Variants in OVOL1 observed in about 807,000 individuals in gnomAD.
OVOL1 encodes ovo like transcriptional repressor 1.
OVOL1 carries 10 observed loss-of-function variants against 21.5 expected under a neutral mutation model. That is an observed-to-expected ratio of 0.46 (90% CI 0.29 to 0.79). The LOEUF (loss-of-function observed/expected upper bound fraction) is 0.79, where lower values mean the gene tolerates loss of function less well. OVOL1 is among the 30% of genes least tolerant of loss of function. OVOL1 has a pLI of 0.10. For synonymous variants in OVOL1, 129 were observed against 150.3 expected, an observed-to-expected ratio of 0.86 and a Z score of 1.03; for missense variants, 279 against 362.3, an observed-to-expected ratio of 0.77 and a Z score of 1.87.
In OVOL1 at chr11:65,795,212, G is replaced by C; in HGVS notation, c.675G>C (p.Gln225His). 6.2e-7 allele frequency: 1 copy of C among 1,613,522 alleles called. No individual in the cohort carries two copies. Among genetic ancestry groups the C allele is most frequent in the Non-Finnish European group, 8.5e-7 (1 of 1,180,024 alleles). Residue 225 changes from glutamine to histidine, a missense_variant, in exon 4 of 4, where the codon CAG becomes CAC. By Grantham distance (24) the Gln-to-His change is conservative. Coordinates refer to ENST00000335987, the MANE Select transcript of OVOL1 (RefSeq NM_004561.4). This position sits in a 1 kb window ranked among gnomAD's most constrained non-coding sequence, Gnocchi z 5.7. ...AGTGCGGCTGCACATCTGAGAGCCA[G>C]GAGGGCCACGTCCTGCACCTGAAGG... ...CEECGCTSES[Q>H]EGHVLHLKEH...
intron 3 of OVOL1, 102 bp downstream of exon 3, chr11:65,794,829 C>G: frequency 1.6e-6 from 2 of 1,246,002 alleles, no homozygotes; most frequent in South Asian, 2.6e-5. Context: ...TGACGGGCAG[C>G]CTGGGAGGGC....
Position 65,794,802 on chromosome 11 carries a change from C to A in OVOL1, c.508+75C>A. ...CGGCCGTGCGGGAAAAGTCCAGCAC[C>A]CCCTGCTCTCCCTCGGTGACGGGCA... is the stretch of plus-strand genomic sequence containing the variant. On this transcript the variant is annotated intron_variant, in intron 3 of 3. Coordinates refer to ENST00000335987, the MANE Select transcript of OVOL1 (RefSeq NM_004561.4). The A allele has an allele frequency of 4.9e-6, 7 of 1,431,294 alleles. No individual in the cohort carries two copies. The South Asian group carries it at 7.0e-5, about 14-fold the overall frequency. 88.7% of individuals were successfully genotyped at this position (1,431,294 alleles called of 1,614,324 possible).
At position 65,794,348 on chromosome 11, in the gene OVOL1, C is replaced by T. The variant is rs1486945023; in HGVS notation, c.318+100C>T. 7 of 1,206,814 alleles carry T rather than the reference C, an allele frequency of 5.8e-6. No individual in the cohort carries two copies. The Admixed American group carries it at 1.1e-4, about 19-fold the overall frequency. The allele number at this position is 1,206,814 out of a possible 1,614,324, so 74.8% of individuals were successfully genotyped here. ...CAAATGAGATGTAGGCAGAGACTGA[C>T]CTGGGACCTGGGCCAAGGTTTCTGC... is the stretch of plus-strand genomic sequence containing the variant. On this transcript the variant is annotated intron_variant, in intron 2 of 3. Transcript: ENST00000335987.
chr11:65,787,349 C>G lies in OVOL1; in HGVS notation c.-25C>G, dbSNP rs779910913. On this transcript the variant is annotated 5_prime_UTR_variant, in exon 1 of 4. Coordinates refer to ENST00000335987, the MANE Select transcript of OVOL1 (RefSeq NM_004561.4). ...CCCGGCTTCAGTTACGGAAGCGGCC[C>G]GTGTCCAGCGACGAGGGTTCGAAAA... The G allele has an allele frequency of 2.6e-6, 4 of 1,550,308 alleles. No individual in the cohort carries two copies. In the African/African-American group the frequency reaches 4.1e-5, roughly 16 times the overall value.
chr11:65,792,733 C>T (rs913547326), intron 1 of OVOL1, among the ~76,000 whole-genome samples: 1 of 152,256 alleles, frequency 6.6e-6, no homozygotes, highest in Non-Finnish European at 1.5e-5. Context: ...GTGCATTCTT[C>T]TCTCTCAGAC....
chr11:65,797,193 A>G lies in OVOL1; in HGVS notation c.*1852A>G, dbSNP rs1477830508. 3 of 152,066 alleles carry G rather than the reference A, an allele frequency of 2.0e-5. No individual in the cohort carries two copies. The highest frequency in any genetic ancestry group is 4.4e-5 in the Non-Finnish European group (3 of 68,008). The allele number at this position is 152,066 out of a possible 1,614,324, so 9.4% of individuals were successfully genotyped here. A position where few individuals can be genotyped will look rare whatever the true frequency, so the allele number is the denominator to read the frequency against. On this transcript the variant is annotated 3_prime_UTR_variant, in exon 4 of 4. Coordinates refer to ENST00000335987, the MANE Select transcript of OVOL1 (RefSeq NM_004561.4). ...GTTTTATTTTATAACCTTCCTCTCA[A>G]CTATTAAAATTAGAGATCTAATGTT...
intron 2 of OVOL1, 66 bp downstream of exon 2, chr11:65,794,314 G>A: frequency 7.0e-7 from 1 of 1,428,766 alleles, no homozygotes; most frequent in Non-Finnish European, 9.8e-7. Context: ...CAGCTCATGA[G>A]ACATGGCACA....
At chr11:65,788,929 G>T in intron 1 of OVOL1, 4 of 986,670 alleles carry the variant, frequency 4.1e-6, no homozygotes, top group Non-Finnish European at 4.8e-6. Flanking sequence ...CTGGGGGTTG[G>T]TGGGGGCACG....
intron 1 of OVOL1, among the ~76,000 whole-genome samples, chr11:65,792,618 C>T (rs1328855597): frequency 1.3e-5 from 2 of 152,332 alleles, no homozygotes; most frequent in African/African-American, 2.4e-5. Flanking sequence ...GAGGCCAGGC[C>T]GGGGCCAGGC....
chr11:65,794,796 C>T, intron 3 of OVOL1, 69 bp downstream of exon 3: 1 of 1,483,344 alleles, frequency 6.7e-7, no homozygotes, highest in Non-Finnish European at 9.4e-7. Context: ...GGGAAAAGTC[C>T]AGCACCCCCT....
intron 1 of OVOL1, chr11:65,788,545 G>A (rs1349378844): frequency 2.0e-6 from 2 of 985,334 alleles, no homozygotes; most frequent in Non-Finnish European, 2.4e-6. Flanking sequence ...ACCGCCCCAG[G>A]CCTTGTAGGA....
chr11:65,795,002 A>C lies in OVOL1; in HGVS notation c.509-44A>C, dbSNP rs750633608. ...TCTGGAAGCAGCCGACAGCCTCTGA[A>C]GTCCCTGCCAGGTCTCTGATGCTGG... On this transcript the variant is annotated intron_variant, in intron 3 of 3. Transcript: ENST00000335987. This position sits in a 1 kb window ranked among gnomAD's most constrained non-coding sequence, Gnocchi z 5.7. The C allele has an allele frequency of 6.3e-7, 1 of 1,589,278 alleles. No homozygotes were observed. The highest frequency in any genetic ancestry group is 8.6e-7 in the Non-Finnish European group (1 of 1,167,504).
In OVOL1 at chr11:65,795,856, T is replaced by C. The variant is rs1479235465; in HGVS notation, c.*515T>C. ...GCAGGGCTTCTAATGCTCAGGGTTC[T>C]GGAGGGCTCTGTCCTTCCGGCAAGG... On this transcript the variant is annotated 3_prime_UTR_variant, in exon 4 of 4. Transcript: ENST00000335987. The surrounding 1 kb of genome is among the most constrained non-coding windows in gnomAD (Gnocchi z 5.7). 1 of 187,650 alleles carries C rather than the reference T, an allele frequency of 5.3e-6. No homozygotes were observed. The highest frequency in any genetic ancestry group is 1.1e-5 in the Non-Finnish European group (1 of 87,932). The allele number at this position is 187,650 out of a possible 1,614,324, so 11.6% of individuals were successfully genotyped here.
chr11:65,787,312 G>A lies in OVOL1; in HGVS notation c.-62G>A. 2.9e-6 allele frequency: 4 copies of A among 1,397,092 alleles called. No individual in the cohort carries two copies. Among genetic ancestry groups the A allele is most frequent in the Non-Finnish European group, 3.9e-6 (4 of 1,015,250 alleles). 86.5% of individuals were successfully genotyped at this position (1,397,092 alleles called of 1,614,324 possible). ...CCGGCGTTCAGCCCGGCCCCGCAAAGGTGGGACGGCTCCCGGCTTCAGTTA... is the reference window on the plus strand; with the variant it reads ...CCGGCGTTCAGCCCGGCCCCGCAAAAGTGGGACGGCTCCCGGCTTCAGTTA... On this transcript the variant is annotated 5_prime_UTR_variant, in exon 1 of 4. Transcript: ENST00000335987.
chr11:65,794,385 G>T (rs985296310), intron 2 of OVOL1, 137 bp downstream of exon 2: 2 of 1,081,666 alleles, frequency 1.8e-6, no homozygotes, highest in African/African-American at 3.1e-5. Flanking sequence ...GAGGAGTGCC[G>T]ATCTCCGGGC....
intron 1 of OVOL1, among the ~76,000 whole-genome samples, chr11:65,791,673 A>G (rs1272806503): frequency 6.6e-6 from 1 of 152,230 alleles, no homozygotes; most frequent in Non-Finnish European, 1.5e-5. Flanking sequence ...CTGGCCCTCA[A>G]CATTGTCCAG....
chr11:65,789,750 G>A (rs750211720), intron 1 of OVOL1: 20 of 969,752 alleles, frequency 2.1e-5, no homozygotes, highest in Non-Finnish European at 2.5e-5. Context: ...CCAGGAATGT[G>A]GGAGTGTTTG....
chr11:65,791,516 G>A (rs1437757779), intron 1 of OVOL1, among the ~76,000 whole-genome samples: 1 of 152,188 alleles, frequency 6.6e-6, no homozygotes, highest in South Asian at 2.1e-4. Flanking sequence ...GGCCTTGGAT[G>A]GGGGGACCCG....
At position 65,795,477 on chromosome 11, in the gene OVOL1, T is replaced by A; in HGVS notation, c.*136T>A. 1 of 797,750 alleles carries A rather than the reference T, an allele frequency of 1.3e-6. No individual in the cohort carries two copies. The highest frequency in any genetic ancestry group is 2.0e-6 in the Non-Finnish European group (1 of 505,102). The allele number at this position is 797,750 out of a possible 1,614,324, so 49.4% of individuals were successfully genotyped here. A position where few individuals can be genotyped will look rare whatever the true frequency, so the allele number is the denominator to read the frequency against. ...CAGGACTGGAGCCCCCGTGCCTTGG[T>A]CTCCCCCCTGGGCACACGTGCTCAC... On this transcript the variant is annotated 3_prime_UTR_variant, in exon 4 of 4. Transcript: ENST00000335987. The surrounding 1 kb of genome is among the most constrained non-coding windows in gnomAD (Gnocchi z 5.7).
Sources: gnomAD v4.1 joint callset for allele counts (sites outside exome capture counted in the v4.1 genomes callset) on GRCh38, gnomAD v4.1.1 for gene constraint, Gnocchi (gnomAD v3.1) non-coding constraint, MANE v1.5 for transcripts, NCBI Gene and HGNC (gene_info 2026-07-23, HGNC 2026-07-21) for gene names.